SHISA9: variants seen among roughly 807,000 people sequenced by gnomAD.
The protein encoded by SHISA9 is protein shisa-9.
SHISA9 carries 13 observed loss-of-function variants against 38.0 expected under a neutral mutation model. The observed-to-expected ratio is 0.34, with a 90% CI of 0.22 to 0.54. The LOEUF (loss-of-function observed/expected upper bound fraction) is 0.54, where lower values mean the gene tolerates loss of function less well. SHISA9 is among the 20% of genes least tolerant of loss of function. SHISA9 has a pLI of 0.91. For missense variants in SHISA9, 538 were observed against 575.8 expected, an observed-to-expected ratio of 0.93 and a Z score of 0.67; for synonymous variants, 275 against 242.0, an observed-to-expected ratio of 1.14 and a Z score of -1.27.
intron 2 of SHISA9, among the ~76,000 whole-genome samples, chr16:12,934,057 A>G (rs370282159): frequency 2.6e-5 from 4 of 152,280 alleles, no homozygotes; most frequent in Middle Eastern, 3.4e-3. Context: ...AACAAAAAAC[A>G]AAAAACTCCG....
At chr16:13,472,832 A>G in the SHISA9 span, among the ~76,000 whole-genome samples, 1 of 152,114 alleles carries the variant, frequency 6.6e-6, no homozygotes, top group Non-Finnish European at 1.5e-5. Context: ...CTTACATTGT[A>G]GTTTTCATCT....
the SHISA9 span, among the ~76,000 whole-genome samples, chr16:13,303,318 C>G: frequency 3.9e-5 from 6 of 152,118 alleles, no homozygotes; most frequent in Non-Finnish European, 8.8e-5. Context: ...AAGGAGGAAA[C>G]AGCCCACATC....
chr16:13,517,455 C>G, the SHISA9 span, among the ~76,000 whole-genome samples: 1 of 152,182 alleles, frequency 6.6e-6, no homozygotes, highest in Non-Finnish European at 1.5e-5. Flanking sequence ...AGAAAGTGCA[C>G]CACTTGTATC....
chr16:13,239,271 A>C lies in SHISA9; in HGVS notation c.*3862A>C, dbSNP rs549033317. ...TTTGGGTTGGTTCCAAGTCTTTGCTATTGTGAATAGTGCCGCAATAAACAT... is the reference window on the plus strand; with the variant it reads ...TTTGGGTTGGTTCCAAGTCTTTGCTCTTGTGAATAGTGCCGCAATAAACAT... On this transcript the variant is annotated 3_prime_UTR_variant, in exon 5 of 5. Transcript: ENST00000558583. 1.4e-4 allele frequency: 21 copies of C among 151,660 alleles called. 1 individual carries two copies. In the East Asian group the frequency reaches 3.5e-3, roughly 25 times the overall value. The allele number at this position is 151,660 out of a possible 1,614,324, so 9.4% of individuals were successfully genotyped here.
the SHISA9 span, among the ~76,000 whole-genome samples, chr16:13,446,414 C>G: frequency 1.3e-5 from 2 of 152,104 alleles, no homozygotes; most frequent in African/African-American, 4.8e-5. Flanking sequence ...AAATTCTTGC[C>G]CACAAGTCAC....
intron 2 of SHISA9, among the ~76,000 whole-genome samples, chr16:13,081,903 G>C (rs1216490764): frequency 6.6e-6 from 1 of 152,000 alleles, no homozygotes; most frequent in Non-Finnish European, 1.5e-5. Flanking sequence ...GCGTGTGTGT[G>C]TGTGTTTGTG....
At chr16:13,433,522 A>G in the SHISA9 span, among the ~76,000 whole-genome samples, 1 of 78,228 alleles carries the variant, frequency 1.3e-5, no homozygotes, top group East Asian at 4.6e-4. Flanking sequence ...GGGTGAAGAA[A>G]GAGGTCAGAG....
At chr16:13,474,597 G>C in the SHISA9 span, among the ~76,000 whole-genome samples, 12 of 152,196 alleles carry the variant, frequency 7.9e-5, no homozygotes, top group African/African-American at 2.9e-4. Flanking sequence ...ACAGCCTGGT[G>C]AGGGAGACCT....
chr16:13,200,438 AC>A (rs1341180144), intron 2 of SHISA9, among the ~76,000 whole-genome samples: 1 of 132,812 alleles, frequency 7.5e-6, no homozygotes, highest in African/African-American at 3.4e-5. Context: ...ACACACACAC[AC>A]ACAGCAGCAG....
At chr16:13,170,100 G>A (rs574599288) in intron 2 of SHISA9, among the ~76,000 whole-genome samples, 2 of 151,720 alleles carry the variant, frequency 1.3e-5, no homozygotes, top group South Asian at 2.1e-4. Flanking sequence ...CTATTCAAGA[G>A]GCTGAGGCAG....
At chr16:13,161,705 A>G (rs2050596539) in intron 2 of SHISA9, among the ~76,000 whole-genome samples, 1 of 152,110 alleles carries the variant, frequency 6.6e-6, no homozygotes, top group South Asian at 2.1e-4. Context: ...CCTCTTTTAT[A>G]GGCAGGGGGT....
chr16:12,937,103 TG>T (rs2141751916), intron 2 of SHISA9, among the ~76,000 whole-genome samples: 1 of 152,314 alleles, frequency 6.6e-6, no homozygotes, highest in Admixed American at 6.5e-5. Flanking sequence ...GCATATTTTT[TG>T]AAATTTTAAG....
At chr16:13,150,994 C>T (rs1596684367) in intron 2 of SHISA9, among the ~76,000 whole-genome samples, 2 of 152,224 alleles carry the variant, frequency 1.3e-5, no homozygotes, top group Admixed American at 1.3e-4. Context: ...ATGAGTTACT[C>T]TACCCCAATT....
At position 13,212,780 on chromosome 16, in the gene SHISA9, TC is replaced by T. The variant is rs2051132976; in HGVS notation, c.848-470del. ...TTAAAGTCGCAGTCAGTAGAGCCTG[TC>T]CCAACCTTGAATCTGGGGCTAATAA... On this transcript the variant is annotated intron_variant, in intron 3 of 4. Coordinates refer to ENST00000558583, the MANE Select transcript of SHISA9 (RefSeq NM_001145204.3). Among the ~76,000 whole-genome samples the T allele has an allele frequency of 2.6e-5, 4 of 152,262 alleles. No homozygotes were observed. The South Asian group carries it at 6.2e-4, about 24-fold the overall frequency.
At chr16:13,408,231 G>T in the SHISA9 span, among the ~76,000 whole-genome samples, 1 of 152,038 alleles carries the variant, frequency 6.6e-6, no homozygotes, top group African/African-American at 2.4e-5. Flanking sequence ...ATATTATGTT[G>T]TAGACACTTT....
At chr16:13,072,412 G>A (rs1444875565) in intron 2 of SHISA9, among the ~76,000 whole-genome samples, 2 of 152,172 alleles carry the variant, frequency 1.3e-5, no homozygotes, top group Non-Finnish European at 2.9e-5. Context: ...AGGGCCAGGG[G>A]AGGAAGTGAT....
intron 2 of SHISA9, among the ~76,000 whole-genome samples, chr16:13,142,021 A>G (rs889221474): frequency 2.0e-5 from 3 of 152,238 alleles, no homozygotes; most frequent in Admixed American, 1.3e-4. Context: ...TAGAAAGATT[A>G]CGCACTGCAC....
At chr16:13,451,232 G>A in the SHISA9 span, among the ~76,000 whole-genome samples, 1,797 of 152,238 alleles carry the variant, frequency 0.012, 40 homozygotes, top group African/African-American at 0.041. Context: ...CAGCTGCCCC[G>A]TGGTAACTCA....
chr16:13,059,438 C>G (rs753485429), intron 2 of SHISA9, among the ~76,000 whole-genome samples: 32 of 152,076 alleles, frequency 2.1e-4, no homozygotes, highest in Non-Finnish European at 4.3e-4. Flanking sequence ...ATCAGATAGA[C>G]TATTTACAGA....
Sources: allele counts gnomAD v4.1 joint callset (sites outside exome capture counted in the v4.1 genomes callset), GRCh38; gene constraint gnomAD v4.1.1; transcripts MANE v1.5; gene names NCBI Gene and HGNC (gene_info 2026-07-23, HGNC 2026-07-21).